Variants in MYLK observed in about 807,000 individuals in gnomAD.
MYLK encodes myosin light chain kinase.
Under a neutral mutation model 203.4 loss-of-function variants are expected in MYLK, and 106 were observed. That is an observed-to-expected ratio of 0.52 (90% CI 0.45 to 0.61). MYLK has a LOEUF of 0.61. MYLK is among the 20% of genes least tolerant of loss of function. The pLI, the probability that MYLK is intolerant of heterozygous loss-of-function variation, is 0.00. For synonymous variants in MYLK, 867 were observed against 959.5 expected (o/e 0.90, Z 1.78); for missense variants, 2,072 against 2,442.3 (o/e 0.85, Z 3.20).
At chr3:123,842,100 ATATC>A (rs1187241752) in intron 2 of MYLK, among the ~76,000 whole-genome samples, 2 of 152,224 alleles carry the variant, frequency 1.3e-5, no homozygotes, top group South Asian at 2.1e-4. Context: ...ATTATATACA[ATATC>A]TATCTATATC....
intron 8 of MYLK, among the ~76,000 whole-genome samples, chr3:123,736,040 T>C (rs2062662819): frequency 3.3e-5 from 5 of 152,188 alleles, no homozygotes; most frequent in South Asian, 2.1e-4. Flanking sequence ...CAGGAGGGAA[T>C]AGTATTTAAC....
chr3:123,874,009 A>G (rs570411857), intron 2 of MYLK, among the ~76,000 whole-genome samples: 1 of 152,130 alleles, frequency 6.6e-6, no homozygotes, highest in African/African-American at 2.4e-5. Context: ...AAGATGACCT[A>G]AATGGAGAAA....
intron 29 of MYLK, among the ~76,000 whole-genome samples, chr3:123,636,133 T>A (rs2058634109): frequency 6.6e-6 from 1 of 152,206 alleles, no homozygotes; most frequent in African/African-American, 2.4e-5. Flanking sequence ...GAAAACTTAG[T>A]GAGCAGTCTA....
intron 16 of MYLK, among the ~76,000 whole-genome samples, chr3:123,706,611 G>A (rs989647863): frequency 9.9e-5 from 15 of 152,182 alleles, no homozygotes; most frequent in African/African-American, 3.6e-4. Context: ...TCCAGGGCTG[G>A]CATAGGATTT....
At chr3:123,820,441 C>A (rs2109292289) in intron 3 of MYLK, among the ~76,000 whole-genome samples, 1 of 152,324 alleles carries the variant, frequency 6.6e-6, no homozygotes, top group South Asian at 2.1e-4. Flanking sequence ...CAGAAGCAGT[C>A]ATGGCTCCAC....
chr3:123,777,946 T>C (rs988809693), intron 4 of MYLK, among the ~76,000 whole-genome samples: 5 of 152,214 alleles, frequency 3.3e-5, no homozygotes, highest in Non-Finnish European at 5.9e-5. Flanking sequence ...ATAGTCATAT[T>C]TGCAGCCCAT....
At chr3:123,880,964 G>A (rs2033498712) in intron 1 of MYLK, among the ~76,000 whole-genome samples, 1 of 152,220 alleles carries the variant, frequency 6.6e-6, no homozygotes, top group South Asian at 2.1e-4. Context: ...CCCACCTTGA[G>A]TTTGTGAGGG....
Position 123,844,455 on chromosome 3 carries a change from T to C in MYLK, c.-126-12785A>G, listed in dbSNP as rs531800303. On this transcript the variant is annotated intron_variant, in intron 2 of 33. Transcript: ENST00000360304. ...GTAAAAGTTGGCTCTGGGGAATACA[T>C]CCTCCCTGCCTTCAGAGGGGTCTTC... Among the ~76,000 whole-genome samples, 87 of 152,284 alleles carry C rather than the reference T, an allele frequency of 5.7e-4. No individual in the cohort carries two copies. The Middle Eastern group carries it at 0.01, about 18-fold the overall frequency.
At chr3:123,644,221 G>A (rs959644338) in intron 27 of MYLK, among the ~76,000 whole-genome samples, 4 of 152,134 alleles carry the variant, frequency 2.6e-5, no homozygotes, top group African/African-American at 4.8e-5. Context: ...ACATTGCACT[G>A]GTGAAAATCA....
chr3:123,826,674 A>G (rs2066132658), intron 3 of MYLK, among the ~76,000 whole-genome samples: 1 of 152,154 alleles, frequency 6.6e-6, no homozygotes, highest in South Asian at 2.1e-4. Flanking sequence ...GCTAGACCCA[A>G]ATTTGGTCAA....
intron 32 of MYLK, 107 bp downstream of exon 32, chr3:123,620,100 A>C: frequency 1.0e-6 from 1 of 953,048 alleles, no homozygotes. Flanking sequence ...CTTGCAGGGA[A>C]TATTAAAATA....
intron 3 of MYLK, among the ~76,000 whole-genome samples, chr3:123,794,225 C>G (rs1422074333): frequency 6.6e-6 from 1 of 152,214 alleles, no homozygotes; most frequent in East Asian, 1.9e-4. Context: ...ACTAACTCTT[C>G]AGGACCAACA....
Position 123,726,989 on chromosome 3 carries a change from T to A in MYLK, c.1517-911A>T, listed in dbSNP as rs555296054. Reference sequence around the variant, plus strand: ...GAAATGTCATATTATACTGCAGGGGTTTATGGGCAAGAAAGCTAATAAGAT... The same window carrying A: ...GAAATGTCATATTATACTGCAGGGGATTATGGGCAAGAAAGCTAATAAGAT... On this transcript the variant is annotated intron_variant, in intron 11 of 33. Transcript: ENST00000360304. Among the ~76,000 whole-genome samples, 413 of 152,134 alleles carry A rather than the reference T, an allele frequency of 2.7e-3. 3 individuals carry two copies. Among genetic ancestry groups the A allele is most frequent in the African/African-American group, 9.8e-3 (405 of 41,502 alleles).
intron 2 of MYLK, among the ~76,000 whole-genome samples, chr3:123,838,850 T>A (rs1457716577): frequency 6.6e-6 from 1 of 152,184 alleles, no homozygotes; most frequent in Non-Finnish European, 1.5e-5. Flanking sequence ...ATCCCAGCAC[T>A]TTGGGAGGCT....
At position 123,611,000 on chromosome 3, in the gene MYLK, G is replaced by GTTAT. The variant is rs2057235779; in HGVS notation, c.*3101_*3104dup. The GTTAT allele has an allele frequency of 6.6e-6, 1 of 152,154 alleles. No individual in the cohort carries two copies. The highest frequency in any genetic ancestry group is 2.1e-4 in the South Asian group (1 of 4,830). 9.4% of individuals were successfully genotyped at this position (152,154 alleles called of 1,614,324 possible). A position where few individuals can be genotyped will look rare whatever the true frequency, so the allele number is the denominator to read the frequency against. ...AAAATGAATGGAAGAAAGTATATCTGTTATTTTTCTCAGTGCAGCATATAA... is the reference window on the plus strand; with the variant it reads ...AAAATGAATGGAAGAAAGTATATCTGTTATTTATTTTTCTCAGTGCAGCATATAA... On this transcript the variant is annotated 3_prime_UTR_variant, in exon 34 of 34. Coordinates refer to ENST00000360304, the MANE Select transcript of MYLK (RefSeq NM_053025.4).
chr3:123,761,646 C>T (rs2063538209), intron 4 of MYLK, among the ~76,000 whole-genome samples: 1 of 152,150 alleles, frequency 6.6e-6, no homozygotes, highest in East Asian at 1.9e-4. Context: ...AGAATCATGT[C>T]AGAGAAGGAA....
intron 20 of MYLK, among the ~76,000 whole-genome samples, chr3:123,677,466 G>A (rs757296346): frequency 7.3e-5 from 11 of 150,444 alleles, no homozygotes; most frequent in Non-Finnish European, 1.3e-4. Context: ...CCTGGAGTCC[G>A]ACAGGAGTAT....
chr3:123,671,155 T>C (rs539976547), intron 20 of MYLK, among the ~76,000 whole-genome samples: 99 of 152,376 alleles, frequency 6.5e-4, no homozygotes, highest in Non-Finnish European at 1.2e-3. Flanking sequence ...ACTTTGAGAT[T>C]TCTTGCATAG....
chr3:123,790,129 C>T (rs189937912), intron 4 of MYLK, among the ~76,000 whole-genome samples: 25 of 152,308 alleles, frequency 1.6e-4, no homozygotes, highest in African/African-American at 5.3e-4. Context: ...CAATCCTTAG[C>T]GTGCAGGCTT....
Sources: gnomAD v4.1 joint callset for allele counts (sites outside exome capture counted in the v4.1 genomes callset) on GRCh38, gnomAD v4.1.1 for gene constraint, MANE v1.5 for transcripts, NCBI Gene and HGNC (gene_info 2026-07-23, HGNC 2026-07-21) for gene names.